CNTN5: variants seen among roughly 807,000 people sequenced by gnomAD.
CNTN5 encodes the protein contactin 5.
CNTN5 carries 77 observed loss-of-function variants against 129.1 expected under a neutral mutation model. That is an observed-to-expected ratio of 0.60 (90% CI 0.50 to 0.72). The LOEUF (loss-of-function observed/expected upper bound fraction) is 0.72, where lower values mean the gene tolerates loss of function less well. Ranked by LOEUF, CNTN5 falls within the 30% of genes least tolerant of loss-of-function variation. The pLI, the probability that CNTN5 is intolerant of heterozygous loss-of-function variation, is 0.00. For missense variants in CNTN5, 1,478 were observed against 1,328.8 expected (o/e 1.11, Z -1.75); for synonymous variants, 509 against 465.6 (o/e 1.09, Z -1.20).
chr11:100,231,978 AC>A (rs1949501057), intron 16 of CNTN5, among the ~76,000 whole-genome samples: 1 of 152,048 alleles, frequency 6.6e-6, no homozygotes, highest in Admixed American at 6.6e-5. Flanking sequence ...ACATGGGGAA[AC>A]CCTGTCTTTA....
chr11:99,286,040 G>GAA (rs1555101324), intron 1 of CNTN5, among the ~76,000 whole-genome samples: 2,965 of 92,890 alleles, frequency 0.032, 188 homozygotes, highest in African/African-American at 0.099. Flanking sequence ...TCCATCTGGA[G>GAA]AAAAAAAAAA....
At chr11:99,239,950 A>C (rs1167486755) in intron 1 of CNTN5, among the ~76,000 whole-genome samples, 6 of 152,006 alleles carry the variant, frequency 3.9e-5, no homozygotes, top group Middle Eastern at 3.4e-3. Flanking sequence ...AAAAAAAAAA[A>C]AAAAAATTTA....
intron 3 of CNTN5, among the ~76,000 whole-genome samples, chr11:99,796,893 G>A (rs548599498): frequency 3.4e-4 from 52 of 152,146 alleles, no homozygotes; most frequent in South Asian, 2.7e-3. Flanking sequence ...TCTGGAGGTC[G>A]TGTGGTCTTC....
intron 1 of CNTN5, among the ~76,000 whole-genome samples, chr11:99,160,988 A>G (rs1860583171): frequency 6.6e-6 from 1 of 152,198 alleles, no homozygotes. Flanking sequence ...GTACAAATCT[A>G]TATATTGCAA....
At chr11:100,046,766 A>G (rs986086985) in intron 9 of CNTN5, among the ~76,000 whole-genome samples, 1 of 152,166 alleles carries the variant, frequency 6.6e-6, no homozygotes, top group Non-Finnish European at 1.5e-5. Flanking sequence ...ATTAGGCCTC[A>G]ATTGTAGACT....
chr11:99,955,188 A>C (rs2136163986), intron 7 of CNTN5, among the ~76,000 whole-genome samples: 1 of 151,200 alleles, frequency 6.6e-6, no homozygotes, highest in African/African-American at 2.4e-5. Context: ...TAAAAAATAT[A>C]TGAATTATGT....
intron 15 of CNTN5, among the ~76,000 whole-genome samples, chr11:100,202,768 T>C (rs775876698): frequency 2.6e-5 from 4 of 151,894 alleles, no homozygotes; most frequent in Non-Finnish European, 4.4e-5. Context: ...CCAAGTTATA[T>C]ATAAATGAGA....
chr11:99,751,076 C>T (rs551845088), intron 3 of CNTN5, among the ~76,000 whole-genome samples: 1 of 152,280 alleles, frequency 6.6e-6, no homozygotes, highest in East Asian at 1.9e-4. Context: ...GTGGCTCACG[C>T]CTATGATCCC....
At chr11:99,074,679 C>G (rs1865486897) in intron 1 of CNTN5, among the ~76,000 whole-genome samples, 1 of 152,078 alleles carries the variant, frequency 6.6e-6, no homozygotes, top group Admixed American at 6.6e-5. Context: ...TTATAAATAT[C>G]TGTTTACATC....
intron 13 of CNTN5, among the ~76,000 whole-genome samples, chr11:100,106,362 G>A (rs1565245367): frequency 6.6e-6 from 1 of 152,180 alleles, no homozygotes; most frequent in East Asian, 1.9e-4. Flanking sequence ...AGAGAGGTCA[G>A]CTAAGCAGAT....
intron 1 of CNTN5, among the ~76,000 whole-genome samples, chr11:99,238,806 G>A (rs535267374): frequency 1.3e-5 from 2 of 151,748 alleles, no homozygotes; most frequent in African/African-American, 4.8e-5. Flanking sequence ...TCAAATAGAT[G>A]GTTTACAATG....
chr11:99,743,903 A>G (rs1404316199), intron 3 of CNTN5, among the ~76,000 whole-genome samples: 3 of 152,192 alleles, frequency 2.0e-5, no homozygotes, highest in Middle Eastern at 3.2e-3. Flanking sequence ...ACTTAAACCC[A>G]TATAACATAG....
chr11:99,220,027 A>G (rs929594612), intron 1 of CNTN5, among the ~76,000 whole-genome samples: 4 of 151,990 alleles, frequency 2.6e-5, no homozygotes, highest in Non-Finnish European at 4.4e-5. Flanking sequence ...ATGGCAATAC[A>G]TAGATCTTCA....
At chr11:99,746,168 A>AT (rs529467247) in intron 3 of CNTN5, among the ~76,000 whole-genome samples, 4 of 152,212 alleles carry the variant, frequency 2.6e-5, no homozygotes, top group South Asian at 2.1e-4. Flanking sequence ...TGGCAAGAAT[A>AT]TTTTTTTCCC....
At chr11:99,280,991 T>G (rs1863670200) in intron 1 of CNTN5, among the ~76,000 whole-genome samples, 1 of 151,734 alleles carries the variant, frequency 6.6e-6, no homozygotes, top group Non-Finnish European at 1.5e-5. Flanking sequence ...AAATTTCTAG[T>G]AAATCACAAA....
At chr11:99,846,651 C>T (rs902539429) in intron 6 of CNTN5, among the ~76,000 whole-genome samples, 1 of 151,886 alleles carries the variant, frequency 6.6e-6, no homozygotes, top group Non-Finnish European at 1.5e-5. Flanking sequence ...ATTAAAGTTA[C>T]ACCTGGAAGA....
At chr11:100,298,496 GA>G (rs1255754423) in intron 19 of CNTN5, among the ~76,000 whole-genome samples, 1 of 150,818 alleles carries the variant, frequency 6.6e-6, no homozygotes, top group African/African-American at 2.4e-5. Flanking sequence ...AAAATTCAAG[GA>G]AAAAAACTAC....
chr11:99,442,294 C>T (rs909722667), intron 2 of CNTN5, among the ~76,000 whole-genome samples: 15 of 152,038 alleles, frequency 9.9e-5, no homozygotes, highest in South Asian at 2.1e-4. Flanking sequence ...CTCAGACTCC[C>T]GAGTAGCTGG....
chr11:100,086,750 AC>A (rs1181196314), intron 13 of CNTN5, among the ~76,000 whole-genome samples: 3 of 151,408 alleles, frequency 2.0e-5, no homozygotes, highest in Non-Finnish European at 3.0e-5. Context: ...TATAATATTA[AC>A]CCCCCAAAAC....
Sources: allele counts gnomAD v4.1 joint callset (sites outside exome capture counted in the v4.1 genomes callset), GRCh38; gene constraint gnomAD v4.1.1; transcripts MANE v1.5; gene names NCBI Gene and HGNC (gene_info 2026-07-23, HGNC 2026-07-21).